The following MTO1 variants were observed in gnomAD, a reference collection of about 807,000 sequenced individuals.
The protein encoded by MTO1 is 5-taurinomethyluridine-[tRNA] synthase subunit MTO1, mitochondrial.
In MTO1, 46 loss-of-function variants were observed where a neutral mutation model predicts 71.6. The observed-to-expected ratio is 0.64, with a 90% CI of 0.51 to 0.82. MTO1 has a LOEUF of 0.82. Among genes scored for constraint, MTO1 ranks in the 40% least tolerant of loss-of-function variants. The pLI, the probability that MTO1 is intolerant of heterozygous loss-of-function variation, is 0.00. For synonymous variants in MTO1, 297 were observed against 312.1 expected (o/e 0.95, Z 0.51); for missense variants, 773 against 867.5 (o/e 0.89, Z 1.37).
At chr6:73,462,263 T>G (rs1050361168) in intron 1 of MTO1, 192 bp downstream of exon 1, 15 of 625,932 alleles carry the variant, frequency 2.4e-5, no homozygotes, top group Non-Finnish European at 4.1e-5. Flanking sequence ...TAGTCTATTC[T>G]GCGAACCATA....
At chr6:73,479,894 C>A (rs757408515) in intron 5 of MTO1, 42 bp from the exon 6 acceptor site, 1 of 1,603,436 alleles carries the variant, frequency 6.2e-7, no homozygotes, top group South Asian at 1.1e-5. Flanking sequence ...GACGTCAATC[C>A]TCTTTTGTTC....
chr6:73,465,430 C>T (rs1770956701), intron 1 of MTO1, among the ~76,000 whole-genome samples: 1 of 152,030 alleles, frequency 6.6e-6, no homozygotes. Flanking sequence ...TCCCAAAGTG[C>T]TAGGATTACA....
rs1343549865 is a variant in MTO1 at position 73,468,407 on chromosome 6, TGTGCCCAGCC to T, written c.535+1802_535+1811del. On this transcript the variant is annotated intron_variant, in intron 3 of 11. Coordinates refer to ENST00000498286, the MANE Select transcript of MTO1 (RefSeq NM_012123.4). ...ATGCTGGGATTACAGGCATGAGCAC[TGTGCCCAGCC>T]TATTAACTTATTATTATGGTAATTC... Among the ~76,000 whole-genome samples the T allele has an allele frequency of 1.3e-4, 20 of 152,102 alleles. No homozygotes were observed. In the South Asian group the frequency reaches 1.7e-3, roughly 13 times the overall value.
At position 73,508,633 on chromosome 6, in the gene MTO1, T is replaced by A. The variant is rs913870502; in HGVS notation, c.*7898T>A. ...GTATTATAGCTCTGAAGAAAAATAC[T>A]GATGAGCAGTTATACAAAATGAGAA... On this transcript the variant is annotated 3_prime_UTR_variant, in exon 12 of 12. Coordinates refer to ENST00000498286, the MANE Select transcript of MTO1 (RefSeq NM_012123.4). 2 of 152,212 alleles carry A rather than the reference T, an allele frequency of 1.3e-5. No homozygotes were observed. The highest frequency in any genetic ancestry group is 3.8e-4 in the East Asian group (2 of 5,202). 9.4% of individuals were successfully genotyped at this position (152,212 alleles called of 1,614,324 possible). A position where few individuals can be genotyped will look rare whatever the true frequency, so the allele number is the denominator to read the frequency against.
Position 73,497,840 on chromosome 6 carries a change from G to T in MTO1, c.1861G>T (p.Asp621Tyr), listed in dbSNP as rs1421361627. ...AGACCTAGATTATTTGACTATCAGG[G>T]ATGTGTCTTTGTCCCATGAAGTTCG... is the stretch of plus-strand genomic sequence containing the variant. ...PKDLDYLTIR[D>Y]VSLSHEVREK... Residue 621 changes from aspartate (D) to tyrosine (Y), a missense_variant, in exon 11 of 12, where the codon GAT (aspartate) becomes TAT (tyrosine). Physicochemically the swap from Asp to Tyr is radical, Grantham distance 160. Coordinates refer to ENST00000498286, the MANE Select transcript of MTO1 (RefSeq NM_012123.4). 2 of 1,613,900 alleles carry T rather than the reference G, an allele frequency of 1.2e-6. No individual in the cohort carries two copies. The highest frequency in any genetic ancestry group is 1.3e-5 in the African/African-American group (1 of 75,032).
At chr6:73,486,006 CAGAAATTCCCTCCT>C (rs1438571463) in intron 9 of MTO1, among the ~76,000 whole-genome samples, 1 of 152,162 alleles carries the variant, frequency 6.6e-6, no homozygotes, top group Admixed American at 6.6e-5. Flanking sequence ...TTAGGTAGCT[CAGAAATTCCCTCCT>C]GGCTTTGTTG....
intron 4 of MTO1, among the ~76,000 whole-genome samples, chr6:73,477,570 A>G (rs1771362409): frequency 6.7e-6 from 1 of 149,002 alleles, no homozygotes; most frequent in African/African-American, 2.5e-5. Context: ...GCAGTGGTGC[A>G]ATCTCAGCTC....
intron 3 of MTO1, 42 bp downstream of exon 3, chr6:73,466,648 A>G: frequency 1.3e-6 from 2 of 1,526,006 alleles, no homozygotes; most frequent in Non-Finnish European, 1.8e-6. Context: ...CAGCATATCA[A>G]ATTCCATGTG....
chr6:73,462,194 G>A (rs978638708), intron 1 of MTO1, 123 bp downstream of exon 1: 16 of 1,088,068 alleles, frequency 1.5e-5, no homozygotes, highest in Non-Finnish European at 2.1e-5. Context: ...TACCTTCTGT[G>A]GTTTTAGCCT....
chr6:73,492,334 G>GAA lies in MTO1; in HGVS notation c.1740_1741dup (p.Arg581LysfsTer3). 1 of 1,609,578 alleles carries GAA rather than the reference G, an allele frequency of 6.2e-7. No homozygotes were observed. Among genetic ancestry groups the GAA allele is most frequent in the Non-Finnish European group, 8.5e-7 (1 of 1,176,036 alleles). ...GTATACTAAATGTAGAGAGCTGGCTGAAAGACTGAAAATAGAAGGTAGAAA... is the reference window on the plus strand; with the variant it reads ...GTATACTAAATGTAGAGAGCTGGCTGAAAAAGACTGAAAATAGAAGGTAGAAA... On this transcript the variant is annotated frameshift_variant, in exon 10 of 12. Transcript: ENST00000498286. LOFTEE classifies it high-confidence loss of function.
Position 73,500,784 on chromosome 6 carries a change from A to C in MTO1, c.*49A>C, listed in dbSNP as rs1772140130. ...AAAGAGCATATAAATAATTTGATCA[A>C]TACAACAGTATAGATAAAAGAATTA... On this transcript the variant is annotated 3_prime_UTR_variant, in exon 12 of 12. Transcript: ENST00000498286. The C allele has an allele frequency of 7.4e-7, 1 of 1,352,306 alleles. No individual in the cohort carries two copies. Among genetic ancestry groups the C allele is most frequent in the Non-Finnish European group, 9.8e-7 (1 of 1,016,194 alleles). 83.8% of individuals were successfully genotyped at this position (1,352,306 alleles called of 1,614,324 possible).
intron 4 of MTO1, among the ~76,000 whole-genome samples, chr6:73,475,957 A>G (rs1296940491): frequency 1.3e-5 from 2 of 152,164 alleles, no homozygotes; most frequent in Non-Finnish European, 1.5e-5. Context: ...CCCCTTGCCC[A>G]TTACACAATG....
rs1199942006 is a variant in MTO1 at position 73,501,063 on chromosome 6, A to T, written c.*328A>T. On this transcript the variant is annotated 3_prime_UTR_variant, in exon 12 of 12. Transcript: ENST00000498286. ...TTGCCTACTCATAGGGACTTTGCCT[A>T]TTAAGTCTACCAAATTAAAAGTCTT... 1 of 177,042 alleles carries T rather than the reference A, an allele frequency of 5.6e-6. No individual in the cohort carries two copies. The highest frequency in any genetic ancestry group is 1.2e-5 in the Non-Finnish European group (1 of 85,240). The allele number at this position is 177,042 out of a possible 1,614,324, so 11.0% of individuals were successfully genotyped here.
At chr6:73,478,552 C>G (rs939443470) in intron 4 of MTO1, among the ~76,000 whole-genome samples, 1 of 152,060 alleles carries the variant, frequency 6.6e-6, no homozygotes, top group East Asian at 1.9e-4. Flanking sequence ...ACCCTTTCTT[C>G]TTTTTTGAGA....
chr6:73,467,064 A>T (rs528307470), intron 3 of MTO1, among the ~76,000 whole-genome samples: 72 of 152,292 alleles, frequency 4.7e-4, no homozygotes, highest in Non-Finnish European at 9.0e-4. Context: ...CCGTAATCCT[A>T]GCACTTTGGG....
At chr6:73,468,526 CTAAG>C (rs1164436572) in intron 3 of MTO1, among the ~76,000 whole-genome samples, 2 of 152,020 alleles carry the variant, frequency 1.3e-5, no homozygotes, top group Non-Finnish European at 2.9e-5. Flanking sequence ...ACATTATTGA[CTAAG>C]TATTGTTTAC....
At chr6:73,492,968 A>ATGTGTGTGTGTGTGTGTG (rs368351300) in intron 10 of MTO1, among the ~76,000 whole-genome samples, 2 of 67,872 alleles carry the variant, frequency 2.9e-5, no homozygotes, top group African/African-American at 1.1e-4. Flanking sequence ...TATATAATAT[A>ATGTGTGTGTGTGTGTGTG]TGTGTGTGTG....
At chr6:73,476,658 T>C (rs1045785445) in intron 4 of MTO1, among the ~76,000 whole-genome samples, 1 of 152,074 alleles carries the variant, frequency 6.6e-6, no homozygotes, top group African/African-American at 2.4e-5. Flanking sequence ...TCTGGAATAT[T>C]TGGGAGTAAA....
rs1376880607 is a variant in MTO1 at position 73,497,866 on chromosome 6, A to G, written c.1887A>G (p.Arg629=). Residue 629 remains arginine (R), a synonymous_variant, in exon 11 of 12, where the codon CGA becomes CGG. Coordinates refer to ENST00000498286, the MANE Select transcript of MTO1 (RefSeq NM_012123.4). The stretch of plus-strand genomic sequence containing the variant: ...ATGTGTCTTTGTCCCATGAAGTTCG[A>G]GAGAAACTACATTTTAGTCGTCCAC... ...IRDVSLSHEV[R]EKLHFSRPQT... 6.2e-7 allele frequency: 1 copy of G among 1,613,036 alleles called. No individual in the cohort carries two copies.
Sources: gnomAD v4.1 joint callset for allele counts (sites outside exome capture counted in the v4.1 genomes callset) on GRCh38, gnomAD v4.1.1 for gene constraint, MANE v1.5 for transcripts, NCBI Gene and HGNC (gene_info 2026-07-23, HGNC 2026-07-21) for gene names.